The following RAPGEF5 variants were observed in gnomAD, a reference collection of about 807,000 sequenced individuals.
RAPGEF5 encodes Rap guanine nucleotide exchange factor 5.
A neutral mutation model predicts 125.2 loss-of-function variants in RAPGEF5; 65 were observed. That is an observed-to-expected ratio of 0.52 (90% CI 0.43 to 0.64). The LOEUF (loss-of-function observed/expected upper bound fraction) is 0.64, where lower values mean the gene tolerates loss of function less well. Ranked by LOEUF, RAPGEF5 falls within the 30% of genes least tolerant of loss-of-function variation. The probability of loss-of-function intolerance (pLI) is 0.00; values close to 1 mark genes in which losing one functional copy is unlikely to be tolerated. For synonymous variants in RAPGEF5, 391 were observed against 385.9 expected, an observed-to-expected ratio of 1.01 and a Z score of -0.16; for missense variants, 958 against 1,048.1, an observed-to-expected ratio of 0.91 and a Z score of 1.19.
intron 6 of RAPGEF5, among the ~76,000 whole-genome samples, chr7:22,286,893 G>A (rs1031463441): frequency 6.6e-6 from 1 of 152,212 alleles, no homozygotes; most frequent in Non-Finnish European, 1.5e-5. Context: ...AAACTGATGA[G>A]CTGTGTCATT....
chr7:22,120,288 G>C lies in RAPGEF5; in HGVS notation c.*2118C>G, dbSNP rs567695590. The C allele has an allele frequency of 9.8e-5, 15 of 152,318 alleles. No individual in the cohort carries two copies. The highest frequency in any genetic ancestry group is 8.5e-4 in the Admixed American group (13 of 15,296). The allele number at this position is 152,318 out of a possible 1,614,324, so 9.4% of individuals were successfully genotyped here. On this transcript the variant is annotated 3_prime_UTR_variant, in exon 26 of 26. Coordinates refer to ENST00000665637, the MANE Select transcript of RAPGEF5 (RefSeq NM_012294.5). The surrounding 1 kb of genome is among the most constrained non-coding windows in gnomAD (Gnocchi z 4.0). ...CAAAATGCATTTAAATACCACATTT[G>C]TGTAGCTTCATCTGGCTTGGTGGGC...
At chr7:22,274,638 C>CT (rs1782514822) in intron 6 of RAPGEF5, among the ~76,000 whole-genome samples, 1 of 152,114 alleles carries the variant, frequency 6.6e-6, no homozygotes, top group Non-Finnish European at 1.5e-5. Context: ...ACTGAAGTCA[C>CT]TTTTTTACCA....
At chr7:22,274,698 CAT>C (rs1220141923) in intron 6 of RAPGEF5, among the ~76,000 whole-genome samples, 1 of 152,084 alleles carries the variant, frequency 6.6e-6, no homozygotes, top group African/African-American at 2.4e-5. Flanking sequence ...CATCAGACAC[CAT>C]AGTCCCAAGC....
At chr7:22,205,297 T>G (rs1285114769) in intron 9 of RAPGEF5, among the ~76,000 whole-genome samples, 1 of 152,192 alleles carries the variant, frequency 6.6e-6, no homozygotes, top group Non-Finnish European at 1.5e-5. Flanking sequence ...TGCTTATCAT[T>G]TCCAGGTTAA....
intron 8 of RAPGEF5, among the ~76,000 whole-genome samples, chr7:22,226,197 C>T (rs919989153): frequency 3.3e-5 from 5 of 152,136 alleles, no homozygotes; most frequent in African/African-American, 1.2e-4. Flanking sequence ...TTCATGAAAG[C>T]ACTTTTGCAA....
At chr7:22,123,380 G>C (rs1782641860) in intron 25 of RAPGEF5, among the ~76,000 whole-genome samples, 1 of 152,104 alleles carries the variant, frequency 6.6e-6, no homozygotes, top group African/African-American at 2.4e-5. Flanking sequence ...GGGGAACACT[G>C]GCCAAACTGC....
At chr7:22,150,112 C>CCCTA (rs1260737028) in intron 18 of RAPGEF5, among the ~76,000 whole-genome samples, 11 of 140,374 alleles carry the variant, frequency 7.8e-5, no homozygotes, top group Non-Finnish European at 1.7e-4. Flanking sequence ...CAAGGTCCTA[C>CCCTA]CCTATCACCT....
intron 7 of RAPGEF5, among the ~76,000 whole-genome samples, chr7:22,239,424 T>C (rs1320631978): frequency 6.6e-6 from 1 of 152,124 alleles, no homozygotes; most frequent in Non-Finnish European, 1.5e-5. Flanking sequence ...GCCCAATAAA[T>C]CTACTGTGGG....
intron 8 of RAPGEF5, among the ~76,000 whole-genome samples, chr7:22,221,002 G>A (rs1414683463): frequency 6.6e-6 from 1 of 152,194 alleles, no homozygotes; most frequent in African/African-American, 2.4e-5. Flanking sequence ...TGAGTGGGCA[G>A]CAGAGAAATG....
At chr7:22,155,082 C>T (rs567472523) in intron 16 of RAPGEF5, among the ~76,000 whole-genome samples, 28 of 152,098 alleles carry the variant, frequency 1.8e-4, no homozygotes, top group Non-Finnish European at 3.5e-4. Context: ...TCAAGAACAC[C>T]GTATTTTGCT....
intron 1 of RAPGEF5, among the ~76,000 whole-genome samples, chr7:22,343,733 A>C (rs1784171276): frequency 1.3e-5 from 2 of 152,168 alleles, no homozygotes; most frequent in Admixed American, 1.3e-4. Flanking sequence ...TGGGCAAAGG[A>C]ACCAAAGGTG....
At chr7:22,251,721 T>C (rs560186559) in intron 7 of RAPGEF5, among the ~76,000 whole-genome samples, 75 of 126,542 alleles carry the variant, frequency 5.9e-4, no homozygotes, top group African/African-American at 2.2e-3. Context: ...GAAAATGATA[T>C]AGGATGGGAT....
At chr7:22,258,547 C>T (rs1049907222) in intron 7 of RAPGEF5, among the ~76,000 whole-genome samples, 4 of 143,972 alleles carry the variant, frequency 2.8e-5, no homozygotes, top group African/African-American at 1.0e-4. Context: ...TCACTTGAAC[C>T]GGGGAGGCAG....
At chr7:22,240,873 T>C (rs1450557948) in intron 7 of RAPGEF5, among the ~76,000 whole-genome samples, 1 of 152,226 alleles carries the variant, frequency 6.6e-6, no homozygotes, top group East Asian at 1.9e-4. Flanking sequence ...AAAAGATTTA[T>C]TTCAGCCAGC....
chr7:22,146,180 A>G (rs1013974413), intron 19 of RAPGEF5, among the ~76,000 whole-genome samples: 33 of 152,306 alleles, frequency 2.2e-4, no homozygotes, highest in African/African-American at 7.9e-4. Context: ...TAAATTGGGC[A>G]TGAGGTTCCT....
intron 6 of RAPGEF5, among the ~76,000 whole-genome samples, chr7:22,288,289 C>T (rs910738256): frequency 6.6e-6 from 1 of 152,170 alleles, no homozygotes; most frequent in African/African-American, 2.4e-5. Flanking sequence ...CTGTGACTGG[C>T]TTCCAGAAGC....
At chr7:22,151,564 A>C (rs945440068) in intron 17 of RAPGEF5, among the ~76,000 whole-genome samples, 1 of 150,562 alleles carries the variant, frequency 6.6e-6, no homozygotes. Flanking sequence ...TCCTGGGTTC[A>C]AGTGATTCTC....
In RAPGEF5 at chr7:22,253,885, C is replaced by T. The variant is rs1352520240; in HGVS notation, c.796+13079G>A. ...CAAGGTAAAGTCTAATATGGTGCTACGTTAAAAGAAGAACCTGTCAACTAA... is the reference window on the plus strand; with the variant it reads ...CAAGGTAAAGTCTAATATGGTGCTATGTTAAAAGAAGAACCTGTCAACTAA... On this transcript the variant is annotated intron_variant, in intron 7 of 25. Coordinates refer to ENST00000665637, the MANE Select transcript of RAPGEF5 (RefSeq NM_012294.5). 6.6e-5 allele frequency among the ~76,000 whole-genome samples: 10 copies of T among 151,926 alleles called. No individual in the cohort carries two copies. In the East Asian group the frequency reaches 1.9e-3, roughly 29 times the overall value.
chr7:22,291,220 G>A lies in RAPGEF5; in HGVS notation c.702C>T (p.Asp234=), dbSNP rs770760952. 9 of 1,569,538 alleles carry A rather than the reference G, an allele frequency of 5.7e-6. No homozygotes were observed. In the South Asian group the frequency reaches 1.1e-4, roughly 19 times the overall value. Residue 234 remains aspartate (D), a synonymous_variant, in exon 6 of 26, where the codon GAC becomes GAT. Transcript: ENST00000665637. The part of the protein sequence containing the change: ...ICELSHQKIE[D]SEESSDEILV... Reference sequence around the variant, plus strand: ...GAATTTCATCACTGCTTTCTTCGGAGTCTTCAATTTTCTGATGAGACCTAA... The same window carrying A: ...GAATTTCATCACTGCTTTCTTCGGAATCTTCAATTTTCTGATGAGACCTAA...
Sources: allele counts gnomAD v4.1 joint callset (sites outside exome capture counted in the v4.1 genomes callset), GRCh38; gene constraint gnomAD v4.1.1; non-coding constraint Gnocchi (gnomAD v3.1); transcripts MANE v1.5; gene names NCBI Gene and HGNC (gene_info 2026-07-23, HGNC 2026-07-21).